Variants in IGF1R observed in about 807,000 individuals in gnomAD.
IGF1R encodes insulin like growth factor 1 receptor, also known as insulin-like growth factor 1 receptor.
IGF1R carries 44 observed loss-of-function variants against 144.6 expected under a neutral mutation model. The ratio of observed to expected loss-of-function variants is 0.30; its 90% CI spans 0.24 to 0.39. The LOEUF is 0.39. Among genes scored for constraint, IGF1R ranks in the 10% least tolerant of loss-of-function variants. The pLI is 1.00. For missense variants in IGF1R, 1,355 were observed against 1,833.7 expected (o/e 0.74, Z 4.77); for synonymous variants, 795 against 722.8 (o/e 1.10, Z -1.60).
intron 2 of IGF1R, among the ~76,000 whole-genome samples, chr15:98,730,335 T>C (rs1019642654): frequency 1.3e-5 from 2 of 152,232 alleles, no homozygotes; most frequent in African/African-American, 2.4e-5. Context: ...AAATCACTTC[T>C]TGTCTGACAC....
chr15:98,933,303 C>G (rs1222196593), intron 15 of IGF1R, among the ~76,000 whole-genome samples: 3 of 152,128 alleles, frequency 2.0e-5, no homozygotes, highest in African/African-American at 7.2e-5. Context: ...CTTTCTTTCT[C>G]TTTGTTTTGC....
chr15:98,829,636 C>T (rs1046041538), intron 2 of IGF1R, among the ~76,000 whole-genome samples: 4 of 152,172 alleles, frequency 2.6e-5, no homozygotes, highest in East Asian at 3.8e-4. Flanking sequence ...CTGTGGCTCT[C>T]GGATCCAGGA....
chr15:98,715,489 G>C (rs1408495628), intron 2 of IGF1R, among the ~76,000 whole-genome samples: 1 of 152,140 alleles, frequency 6.6e-6, no homozygotes, highest in Non-Finnish European at 1.5e-5. Flanking sequence ...CAATTGTTCT[G>C]GTTTCTTCCT....
Position 98,916,222 on chromosome 15 carries a change from C to G in IGF1R, c.1996+91C>G, listed in dbSNP as rs975013858. 11 of 1,083,868 alleles carry G rather than the reference C, an allele frequency of 1.0e-5. No homozygotes were observed. In the African/African-American group the frequency reaches 1.6e-4, roughly 15 times the overall value. The allele number at this position is 1,083,868 out of a possible 1,614,324, so 67.1% of individuals were successfully genotyped here. On this transcript the variant is annotated intron_variant, in intron 9 of 20. Coordinates refer to ENST00000650285, the MANE Select transcript of IGF1R (RefSeq NM_000875.5). ...GAGCCCTAATATTACACGTATCAGA[C>G]AACAGTGTAGTTCTCCATTGGAAAC...
At chr15:98,696,907 G>T (rs1479779344) in intron 1 of IGF1R, among the ~76,000 whole-genome samples, 1 of 152,166 alleles carries the variant, frequency 6.6e-6, no homozygotes, top group Admixed American at 6.5e-5. Context: ...AATGCCGAGG[G>T]TACCTGGTCT....
chr15:98,861,702 T>C (rs1311656368), intron 2 of IGF1R, among the ~76,000 whole-genome samples: 1 of 152,224 alleles, frequency 6.6e-6, no homozygotes, highest in Non-Finnish European at 1.5e-5. Context: ...CTTAGTCTCC[T>C]TTCTGTAAAA....
rs79746808 is a variant in IGF1R at position 98,863,530 on chromosome 15, C to T, written c.641-27795C>T. 5.9e-5 allele frequency among the ~76,000 whole-genome samples: 9 copies of T among 152,284 alleles called. No individual in the cohort carries two copies. The East Asian group carries it at 1.7e-3, about 29-fold the overall frequency. Reference sequence around the variant, plus strand: ...CTACACTTAGTAATTGGATTCTACTCTCAGGATTTTATGTATTTTTTAACA... The same window carrying T: ...CTACACTTAGTAATTGGATTCTACTTTCAGGATTTTATGTATTTTTTAACA... On this transcript the variant is annotated intron_variant, in intron 2 of 20. Transcript: ENST00000650285.
At chr15:98,911,570 A>C in intron 7 of IGF1R, 129 bp downstream of exon 7, 1 of 1,196,750 alleles carries the variant, frequency 8.4e-7, no homozygotes, top group Non-Finnish European at 1.2e-6. Context: ...AGCCACGCCA[A>C]ACATCCCTAC....
intron 20 of IGF1R, 97 bp from the exon 21 acceptor site, chr15:98,956,964 C>A: frequency 7.4e-7 from 1 of 1,353,518 alleles, no homozygotes; most frequent in Non-Finnish European, 1.1e-6. Flanking sequence ...TCCCGCCGTA[C>A]GCTTGTATGC....
At chr15:98,930,488 C>T (rs1223803097) in intron 15 of IGF1R, among the ~76,000 whole-genome samples, 183 bp downstream of exon 15, 1 of 151,702 alleles carries the variant, frequency 6.6e-6, no homozygotes, top group East Asian at 1.9e-4. Flanking sequence ...TTTAGCAGTT[C>T]AGTGAATATG....
At chr15:98,866,206 C>G (rs970725196) in intron 2 of IGF1R, among the ~76,000 whole-genome samples, 1 of 152,174 alleles carries the variant, frequency 6.6e-6, no homozygotes, top group Non-Finnish European at 1.5e-5. Flanking sequence ...ACGCTCCTGC[C>G]GTCCACAGGA....
At chr15:98,844,303 T>C (rs999969897) in intron 2 of IGF1R, among the ~76,000 whole-genome samples, 4 of 152,236 alleles carry the variant, frequency 2.6e-5, no homozygotes, top group African/African-American at 7.2e-5. Context: ...TATCATAGTT[T>C]AGTTCAATCT....
intron 2 of IGF1R, among the ~76,000 whole-genome samples, chr15:98,856,949 C>T (rs990396642): frequency 1.3e-5 from 2 of 152,112 alleles, no homozygotes; most frequent in Non-Finnish European, 2.9e-5. Flanking sequence ...GAGGTCTTTC[C>T]ATCTAAAAAT....
At chr15:98,901,054 A>G (rs1704066079) in intron 5 of IGF1R, among the ~76,000 whole-genome samples, 1 of 152,202 alleles carries the variant, frequency 6.6e-6, no homozygotes, top group African/African-American at 2.4e-5. Flanking sequence ...GTGCACTTAA[A>G]TGTAGTTAGA....
intron 2 of IGF1R, among the ~76,000 whole-genome samples, chr15:98,751,257 G>T (rs2141334035): frequency 6.6e-6 from 1 of 152,316 alleles, no homozygotes; most frequent in African/African-American, 2.4e-5. Context: ...CTGGGGTGCA[G>T]TGGTACCATC....
At chr15:98,678,094 T>A (rs773184817) in intron 1 of IGF1R, among the ~76,000 whole-genome samples, 13 of 152,178 alleles carry the variant, frequency 8.5e-5, no homozygotes, top group Non-Finnish European at 1.3e-4. Flanking sequence ...TAAGGATGGG[T>A]GTTGAATGTC....
intron 2 of IGF1R, among the ~76,000 whole-genome samples, chr15:98,831,191 A>G (rs1014817813): frequency 1.3e-5 from 2 of 152,088 alleles, no homozygotes; most frequent in African/African-American, 4.8e-5. Flanking sequence ...TCTACGACCA[A>G]ATTTTCCTAA....
At chr15:98,757,704 ATTGT>A (rs1170028767) in intron 2 of IGF1R, among the ~76,000 whole-genome samples, 1 of 151,810 alleles carries the variant, frequency 6.6e-6, no homozygotes, top group African/African-American at 2.4e-5. Context: ...CTCTTGTTCA[ATTGT>A]TTGTTTTTAA....
intron 1 of IGF1R, among the ~76,000 whole-genome samples, chr15:98,660,988 G>C (rs966336315): frequency 5.3e-5 from 8 of 152,108 alleles, no homozygotes; most frequent in Non-Finnish European, 8.8e-5. Flanking sequence ...GGGTGGGTAG[G>C]GTACTTGCAC....
Sources: allele counts gnomAD v4.1 joint callset (sites outside exome capture counted in the v4.1 genomes callset), GRCh38; gene constraint gnomAD v4.1.1; transcripts MANE v1.5; gene names NCBI Gene and HGNC (gene_info 2026-07-23, HGNC 2026-07-21).